The following KRT5 variants were observed in gnomAD, a reference collection of about 807,000 sequenced individuals.
KRT5 encodes keratin 5.
Under a neutral mutation model 44.0 loss-of-function variants are expected in KRT5, and 17 were observed. That is an observed-to-expected ratio of 0.39 (90% CI 0.26 to 0.58). KRT5 has a LOEUF of 0.58. KRT5 is among the 20% of genes least tolerant of loss of function. The pLI, the probability that KRT5 is intolerant of heterozygous loss-of-function variation, is 0.61. For missense variants in KRT5, 737 were observed against 785.5 expected (o/e 0.94, Z 0.74); for synonymous variants, 329 against 312.8 (o/e 1.05, Z -0.55).
At chr12:52,519,491 C>A (rs1191021010) in intron 1 of KRT5, 3 of 624,368 alleles carry the variant, frequency 4.8e-6, no homozygotes, top group Non-Finnish European at 5.6e-6. Context: ...GCATGAAATT[C>A]ATCTCTCTGT....
chr12:52,515,025 C>A lies in KRT5; in HGVS notation c.1690G>T (p.Gly564Cys). 1.2e-6 allele frequency: 2 copies of A among 1,612,742 alleles called. No individual in the cohort carries two copies. Among genetic ancestry groups the A allele is most frequent in the South Asian group, 1.1e-5 (1 of 90,950 alleles). ...CTGCTACCCCCGCCACTGCCAAAGCCCACCCCCAGCCCTCGGCCACTGCTT... is the reference window on the plus strand; with the variant it reads ...CTGCTACCCCCGCCACTGCCAAAGCACACCCCCAGCCCTCGGCCACTGCTT... ...SASSGRGLGVGFGSGGGSSSS... is the reference protein window; with the variant it reads ...SASSGRGLGVCFGSGGGSSSS... The change falls in exon 9 of 9, where the codon GGC becomes TGC. Residue 564 changes from glycine (G) to cysteine (C), a missense_variant. Coordinates refer to ENST00000252242, the MANE Select transcript of KRT5 (RefSeq NM_000424.4).
Position 52,519,136 on chromosome 12 carries a change from T to C in KRT5, c.580A>G (p.Lys194Glu), listed in dbSNP as rs1207891531. The C allele has an allele frequency of 8.1e-6, 13 of 1,614,074 alleles. No individual in the cohort carries two copies. Among genetic ancestry groups the C allele is most frequent in the Non-Finnish European group, 1.0e-5 (12 of 1,180,028 alleles). The change falls in exon 2 of 9, where the codon AAG (lysine) becomes GAG (glutamate). Residue 194 changes from lysine (K) to glutamate (E), a missense_variant. Physicochemically the swap from Lys to Glu is moderately conservative, Grantham distance 56. Coordinates refer to ENST00000252242, the MANE Select transcript of KRT5 (RefSeq NM_000424.4). ...DKVRFLEQQN[K>E]VLDTKWTLLQ... ...AGGGTCCACTTGGTGTCCAGAACCT[T>C]GTTCTGCTGCTCCAGGAACCGCACC...
chr12:52,515,309 G>C (rs1938592974), intron 8 of KRT5, 69 bp from the exon 9 acceptor site: 1 of 1,596,962 alleles, frequency 6.3e-7, no homozygotes, highest in African/African-American at 1.3e-5. Context: ...CCATTTATTT[G>C]ATCTGCTGGT....
Position 52,514,897 on chromosome 12 carries a change from G to T in KRT5, c.*45C>A. ...ACTGCCTAGAAGAGGCAATCTCCAT[G>T]GGCTGGGTTGCTGCACTTGGAAGGC... On this transcript the variant is annotated 3_prime_UTR_variant, in exon 9 of 9. Transcript: ENST00000252242. 1 of 1,543,802 alleles carries T rather than the reference G, an allele frequency of 6.5e-7. No individual in the cohort carries two copies. Among genetic ancestry groups the T allele is most frequent in the Non-Finnish European group, 9.0e-7 (1 of 1,117,242 alleles).
At chr12:52,517,508 C>T (rs1162628225) in intron 5 of KRT5, 82 bp downstream of exon 5, 9 of 1,466,930 alleles carry the variant, frequency 6.1e-6, no homozygotes, top group Admixed American at 1.7e-5. Context: ...TTCCAGGAGC[C>T]CCATTCTTAG....
intron 1 of KRT5, 136 bp from the exon 2 acceptor site, chr12:52,519,296 G>C (rs1489205325): frequency 7.4e-6 from 10 of 1,359,284 alleles, no homozygotes; most frequent in Non-Finnish European, 1.0e-5. Context: ...GCCCCAGGAG[G>C]GGAGGTGCAG....
At chr12:52,518,244 C>A (rs1938648082) in intron 2 of KRT5, 81 bp from the exon 3 acceptor site, 1 of 1,365,200 alleles carries the variant, frequency 7.3e-7, no homozygotes, top group Non-Finnish European at 1.0e-6. Context: ...CAACTGTAAG[C>A]CTACTTTTGC....
At chr12:52,518,582 G>C (rs959795571) in intron 2 of KRT5, 16 of 551,364 alleles carry the variant, frequency 2.9e-5, no homozygotes, top group Non-Finnish European at 5.4e-5. Context: ...GAGCCACCAA[G>C]CTGGGTTATG....
At chr12:52,518,850 C>A in intron 2 of KRT5, 96 bp downstream of exon 2, 2 of 1,450,752 alleles carry the variant, frequency 1.4e-6, no homozygotes, top group South Asian at 1.1e-5. Context: ...ATCCTCCCAG[C>A]CCCAAAGGAA....
chr12:52,519,434 C>A (rs1938672863), intron 1 of KRT5: 1 of 632,198 alleles, frequency 1.6e-6, no homozygotes, highest in East Asian at 2.7e-5. Context: ...CAGGCTGCTG[C>A]CCATGCACTT....
At chr12:52,517,813 C>A in intron 4 of KRT5, 59 bp from the exon 5 acceptor site, 1 of 1,610,708 alleles carries the variant, frequency 6.2e-7, no homozygotes, top group Non-Finnish European at 8.5e-7. Flanking sequence ...AATGTCAGTT[C>A]CATTCAAATC....
Position 52,514,778 on chromosome 12 carries a change from G to T in KRT5, c.*164C>A. 1.5e-6 allele frequency: 1 copy of T among 658,184 alleles called. No homozygotes were observed. The highest frequency in any genetic ancestry group is 2.7e-6 in the Non-Finnish European group (1 of 376,726). The allele number at this position is 658,184 out of a possible 1,614,324, so 40.8% of individuals were successfully genotyped here. A position where few individuals can be genotyped will look rare whatever the true frequency, so the allele number is the denominator to read the frequency against. ...ACTGCGGCACGGGAGACCAGGGGCTGGGAATGGGGCTCTCCTGGGAACCAA... is the reference window on the plus strand; with the variant it reads ...ACTGCGGCACGGGAGACCAGGGGCTTGGAATGGGGCTCTCCTGGGAACCAA... On this transcript the variant is annotated 3_prime_UTR_variant, in exon 9 of 9. Coordinates refer to ENST00000252242, the MANE Select transcript of KRT5 (RefSeq NM_000424.4).
rs1938590916 is a variant in KRT5 at position 52,515,245 on chromosome 12, A to C, written c.1475-5T>G. The C allele has an allele frequency of 1.2e-6, 2 of 1,604,626 alleles. No homozygotes were observed. The highest frequency in any genetic ancestry group is 1.3e-5 in the African/African-American group (1 of 74,868). ...AAACACTGCTTGTGACAACAGCTGC[A>C]GGGAAAGGAGGGAGGACTCAGTGAG... is the stretch of plus-strand genomic sequence containing the variant. On this transcript the variant is annotated splice_polypyrimidine_tract_variant and splice_region_variant and intron_variant, in intron 8 of 8. Transcript: ENST00000252242.
rs773464963 is a variant in KRT5, at chr12:52,520,181, C to A, written c.116G>T (p.Gly39Val). ...GCCGAAGCCACCACCACCGCCACCC[C>A]CGGACCGGGACACGGAGGTGAAGCT... is the stretch of plus-strand genomic sequence containing the variant. Reference protein sequence around the residue: ...RTSFTSVSRSGGGGGGGFGRV... With the variant: ...RTSFTSVSRSVGGGGGGFGRV... The change falls in exon 1 of 9, where the codon GGG becomes GTG. Residue 39 changes from glycine (G) to valine (V), a missense_variant. By Grantham distance (109) the Gly-to-Val change is moderately radical. This residue lies in a region of KRT5 where 326 missense variants were observed against 333.1 expected (regional missense o/e 0.98). Coordinates refer to ENST00000252242, the MANE Select transcript of KRT5 (RefSeq NM_000424.4). 5.6e-6 allele frequency: 9 copies of A among 1,613,904 alleles called. No individual in the cohort carries two copies. Among genetic ancestry groups the A allele is most frequent in the Non-Finnish European group, 7.6e-6 (9 of 1,179,886 alleles).
chr12:52,517,775 G>A (rs200170666), intron 4 of KRT5, 21 bp from the exon 5 acceptor site: 43 of 1,613,922 alleles, frequency 2.7e-5, no homozygotes, highest in Admixed American at 1.7e-4. Context: ...ATTTGGAGTC[G>A]GTCATCTGGT....
chr12:52,516,666 G>A lies in KRT5; in HGVS notation c.1410C>T (p.Tyr470=), dbSNP rs755117771. The change falls in exon 7 of 9, where the codon TAC becomes TAT. Residue 470 remains tyrosine, a synonymous_variant. Transcript: ENST00000252242. ...KLALDVEIAT[Y]RKLLEGEECR... ...ATTCCTCGCCCTCCAGCAGCTTGCGGTAAGTGGCGATCTCCACGTCCAGGG... is the reference window on the plus strand; with the variant it reads ...ATTCCTCGCCCTCCAGCAGCTTGCGATAAGTGGCGATCTCCACGTCCAGGG... 1.2e-5 allele frequency: 19 copies of A among 1,614,084 alleles called. No individual in the cohort carries two copies. The highest frequency in any genetic ancestry group is 1.3e-5 in the African/African-American group (1 of 74,928).
chr12:52,517,447 A>G (rs2120478708), intron 5 of KRT5, 143 bp downstream of exon 5: 1 of 1,078,080 alleles, frequency 9.3e-7, no homozygotes, highest in Admixed American at 1.8e-5. Context: ...GTTTAGATGG[A>G]AATTGTCTAC....
intron 2 of KRT5, 175 bp from the exon 3 acceptor site, chr12:52,518,338 A>G (rs1240727676): frequency 1.4e-6 from 1 of 705,340 alleles, no homozygotes; most frequent in Non-Finnish European, 2.6e-6. Context: ...TCCCCATTTA[A>G]ATACTGCTTT....
In KRT5 at chr12:52,515,179, G is replaced by A. The variant is rs148806544; in HGVS notation, c.1536C>T (p.Leu512=). The A allele has an allele frequency of 7.3e-5, 118 of 1,611,822 alleles. No individual in the cohort carries two copies. The highest frequency in any genetic ancestry group is 6.7e-4 in the South Asian group (61 of 90,876). Residue 512 remains leucine (L), a synonymous_variant, in exon 9 of 9, where the codon CTC becomes CTT. Coordinates refer to ENST00000252242, the MANE Select transcript of KRT5 (RefSeq NM_000424.4). ...YGSGSGYGGG[L]GGGLGGGLGG... ...CGAGGCCGCCGCCAAGACCTCCACC[G>A]AGGCCACCGCCATAGCCACTGCCAC...
Sources: allele counts gnomAD v4.1 joint callset, GRCh38; gene constraint gnomAD v4.1.1; regional missense constraint gnomAD v4.1.1; transcripts MANE v1.5; gene names NCBI Gene and HGNC (gene_info 2026-07-23, HGNC 2026-07-21).